Variants in MOK observed in about 807,000 individuals in gnomAD.
MOK encodes MAPK/MAK/MRK overlapping kinase.
MOK carries 59 observed loss-of-function variants against 54.2 expected under a neutral mutation model. That is an observed-to-expected ratio of 1.09 (90% CI 0.88 to 1.35). MOK has a LOEUF of 1.35. Ranked by LOEUF, MOK falls within the 40% of genes most tolerant of loss-of-function variation. The pLI, the probability that MOK is intolerant of heterozygous loss-of-function variation, is 0.00. For missense variants in MOK, 517 were observed against 526.2 expected (o/e 0.98, Z 0.17); for synonymous variants, 210 against 202.7 (o/e 1.04, Z -0.31).
chr14:102,275,713 C>A (rs879572546), intron 2 of MOK, among the ~76,000 whole-genome samples: 9 of 151,728 alleles, frequency 5.9e-5, no homozygotes, highest in Non-Finnish European at 1.0e-4. Flanking sequence ...ACAATAACCA[C>A]AAAAGAACTC....
At chr14:102,261,392 A>T (rs2067388679) in intron 4 of MOK, among the ~76,000 whole-genome samples, 1 of 53,664 alleles carries the variant, frequency 1.9e-5, no homozygotes, top group African/African-American at 9.4e-5. Context: ...TCTCAAAAAA[A>T]AAAAAAAAAA....
rs779785455 is a variant in MOK at position 102,263,603 on chromosome 14, C to A, written c.226G>T (p.Gly76Cys). ...LHEVVFDRKS[G>C]SLALICELMD... ...AGTTCACATATTAGTGCAAGAGAAC[C>A]AGATTTTCTGTCACTGAAGAAGAAA... is the stretch of plus-strand genomic sequence containing the variant. The change falls in exon 4 of 12, where the codon GGT (glycine) becomes TGT (cysteine). Residue 76 changes from glycine (G) to cysteine (C), a missense_variant. Physicochemically the swap from Gly to Cys is radical, Grantham distance 159 (BLOSUM62 -3). Transcript: ENST00000361847. 3 of 1,603,854 alleles carry A rather than the reference C, an allele frequency of 1.9e-6. No homozygotes were observed. Among genetic ancestry groups the A allele is most frequent in the Non-Finnish European group, 2.6e-6 (3 of 1,176,022 alleles).
intron 3 of MOK, among the ~76,000 whole-genome samples, chr14:102,264,848 C>T (rs1303369930): frequency 1.3e-5 from 2 of 152,202 alleles, no homozygotes; most frequent in East Asian, 1.9e-4. Flanking sequence ...GGAGCCACAG[C>T]GAAGCTTCTA....
chr14:102,258,971 C>G (rs546361619), intron 4 of MOK, among the ~76,000 whole-genome samples: 88 of 151,450 alleles, frequency 5.8e-4, no homozygotes, highest in African/African-American at 1.9e-3. Context: ...GAGGCTAAGG[C>G]AGGAGAATCG....
rs1042692763 is a variant in MOK, at chr14:102,232,053, C to T, written c.867-232G>A. On this transcript the variant is annotated intron_variant, in intron 9 of 11. Coordinates refer to ENST00000361847, the MANE Select transcript of MOK (RefSeq NM_014226.3). This position sits in a 1 kb window ranked among gnomAD's most constrained non-coding sequence, Gnocchi z 5.1. ...CAGAAGCGCTGCCTACCCAGGGACT[C>T]GCAGTTTCAGATCAAACTGTCACCT... 4.5e-6 allele frequency: 2 copies of T among 448,878 alleles called. No individual in the cohort carries two copies. The highest frequency in any genetic ancestry group is 6.0e-4 in the Middle Eastern group (1 of 1,654). 27.8% of individuals were successfully genotyped at this position (448,878 alleles called of 1,614,324 possible). A position where few individuals can be genotyped will look rare whatever the true frequency, so the allele number is the denominator to read the frequency against.
At chr14:102,229,419 G>T (rs758494850) in intron 11 of MOK, 38 bp downstream of exon 11, 6 of 1,613,868 alleles carry the variant, frequency 3.7e-6, no homozygotes, top group Admixed American at 3.3e-5. Flanking sequence ...GGGCTGGGTC[G>T]AAGAGCAGCG....
In MOK at chr14:102,245,472, AG is replaced by A. The variant is rs2153103277; in HGVS notation, c.590+5339del. On this transcript the variant is annotated intron_variant, in intron 7 of 11. Coordinates refer to ENST00000361847, the MANE Select transcript of MOK (RefSeq NM_014226.3). The surrounding 1 kb of genome is among the most constrained non-coding windows in gnomAD (Gnocchi z 4.3). ...CCTGAAGCAAGTGAAGAATCACAAA[AG>A]AAGTGAAAATGGCCGGTCCCTGCCT... Among the ~76,000 whole-genome samples, 1 of 152,258 alleles carries A rather than the reference AG, an allele frequency of 6.6e-6. No individual in the cohort carries two copies. Among genetic ancestry groups the A allele is most frequent in the South Asian group, 2.1e-4 (1 of 4,824 alleles).
rs2064816145 is a variant in MOK at position 102,232,453 on chromosome 14, C to A, written c.866+82G>T. ...CAAGAACCAGGGACCCTCCAGGGGG[C>A]AGTACCTTGCCCCACCATGTGCCCA... On this transcript the variant is annotated intron_variant, in intron 9 of 11. Transcript: ENST00000361847. The surrounding 1 kb of genome is among the most constrained non-coding windows in gnomAD (Gnocchi z 5.1). 2.0e-6 allele frequency: 3 copies of A among 1,484,826 alleles called. No homozygotes were observed. The highest frequency in any genetic ancestry group is 1.9e-5 in the Admixed American group (1 of 51,752). 92.0% of individuals were successfully genotyped at this position (1,484,826 alleles called of 1,614,324 possible). A position where few individuals can be genotyped will look rare whatever the true frequency, so the allele number is the denominator to read the frequency against.
intron 1 of MOK, among the ~76,000 whole-genome samples, chr14:102,299,639 G>A (rs1424464092): frequency 6.6e-6 from 1 of 152,122 alleles, no homozygotes; most frequent in Non-Finnish European, 1.5e-5. Flanking sequence ...AGGCTGGAGA[G>A]CAGTGGTGTG....
intron 1 of MOK, among the ~76,000 whole-genome samples, chr14:102,304,495 ACAGCC>A: frequency 6.6e-6 from 1 of 152,344 alleles, no homozygotes; most frequent in African/African-American, 2.4e-5. Context: ...AATAAAGCAC[ACAGCC>A]CAGCTTTCCT....
At position 102,305,109 on chromosome 14, in the gene MOK, G is replaced by A. The variant is rs978109427; in HGVS notation, c.-141C>T. 1.2e-5 allele frequency: 12 copies of A among 994,854 alleles called. No homozygotes were observed. The East Asian group carries it at 2.6e-4, about 22-fold the overall frequency. 61.6% of individuals were successfully genotyped at this position (994,854 alleles called of 1,614,324 possible). A position where few individuals can be genotyped will look rare whatever the true frequency, so the allele number is the denominator to read the frequency against. Reference sequence around the variant, plus strand: ...CCGTGGTGGTCCCTCGAAGGAGAGCGTTAGAGATCCCGCCGCCATGTTGTG... The same window carrying A: ...CCGTGGTGGTCCCTCGAAGGAGAGCATTAGAGATCCCGCCGCCATGTTGTG... On this transcript the variant is annotated 5_prime_UTR_variant, in exon 1 of 12. It adds an upstream start codon to the 5' untranslated region. Coordinates refer to ENST00000361847, the MANE Select transcript of MOK (RefSeq NM_014226.3).
rs991111107 is a variant in MOK, at chr14:102,305,088, G to C, written c.-120C>G. On this transcript the variant is annotated 5_prime_UTR_variant, in exon 1 of 12. Transcript: ENST00000361847. Reference sequence around the variant, plus strand: ...CGGGGTCCCGCACTAGGATCTCCGTGGTGGTCCCTCGAAGGAGAGCGTTAG... The same window carrying C: ...CGGGGTCCCGCACTAGGATCTCCGTCGTGGTCCCTCGAAGGAGAGCGTTAG... 1.6e-6 allele frequency: 2 copies of C among 1,213,060 alleles called. No individual in the cohort carries two copies. Among genetic ancestry groups the C allele is most frequent in the Non-Finnish European group, 2.4e-6 (2 of 838,910 alleles). 75.1% of individuals were successfully genotyped at this position (1,213,060 alleles called of 1,614,324 possible). A position where few individuals can be genotyped will look rare whatever the true frequency, so the allele number is the denominator to read the frequency against.
the MOK span, among the ~76,000 whole-genome samples, chr14:102,215,557 A>G: frequency 1.3e-5 from 2 of 152,202 alleles, no homozygotes; most frequent in Non-Finnish European, 2.9e-5. Context: ...GCGCCCATCA[A>G]CCCGTCATCT....
chr14:102,266,350 G>A (rs1947944974), intron 2 of MOK, among the ~76,000 whole-genome samples: 1 of 151,368 alleles, frequency 6.6e-6, no homozygotes, highest in Admixed American at 6.6e-5. Flanking sequence ...TGTCATCCAG[G>A]CTGGAGTGCA....
chr14:102,253,900 T>G (rs2066726550), intron 4 of MOK, among the ~76,000 whole-genome samples: 1 of 152,214 alleles, frequency 6.6e-6, no homozygotes, highest in African/African-American at 2.4e-5. Context: ...TTTTGAAAAA[T>G]TAAAATTATT....
intron 4 of MOK, among the ~76,000 whole-genome samples, chr14:102,260,176 CAA>C (rs770385409): frequency 9.2e-5 from 7 of 76,228 alleles, no homozygotes; most frequent in Admixed American, 2.8e-4. Flanking sequence ...AACTCCATCT[CAA>C]AAAAAAAAAA....
chr14:102,302,348 C>T (rs2072316567), intron 1 of MOK, among the ~76,000 whole-genome samples: 1 of 152,152 alleles, frequency 6.6e-6, no homozygotes, highest in African/African-American at 2.4e-5. Flanking sequence ...GCTGGGATTA[C>T]AGGCGTGAGC....
In MOK at chr14:102,272,406, G is replaced by A. The variant is rs536738130; in HGVS notation, c.123-6494C>T. On this transcript the variant is annotated intron_variant, in intron 2 of 11. Coordinates refer to ENST00000361847, the MANE Select transcript of MOK (RefSeq NM_014226.3). The stretch of plus-strand genomic sequence containing the variant: ...GGGAGCCTGAAGCAGAATTGCTTGA[G>A]GCGGAGGTTGCAGTGAGCCGAGATC... Among the ~76,000 whole-genome samples, 13 of 152,014 alleles carry A rather than the reference G, an allele frequency of 8.6e-5. 2 individuals carry two copies. In the East Asian group the frequency reaches 2.5e-3, roughly 30 times the overall value.
At position 102,301,881 on chromosome 14, in the gene MOK, C is replaced by T. The variant is rs79891589; in HGVS notation, c.7+3081G>A. 5.7e-3 allele frequency among the ~76,000 whole-genome samples: 863 copies of T among 152,080 alleles called. 19 individuals are homozygous for T. Among genetic ancestry groups the T allele is most frequent in the East Asian group, 0.035 (180 of 5,180 alleles). On this transcript the variant is annotated intron_variant, in intron 1 of 11. Transcript: ENST00000361847. ...TTACAAGAAGTAAATCATAAATGTA[C>T]ATTTTTTGTGTATTTTGTTTTGTTT... is the stretch of plus-strand genomic sequence containing the variant.
Sources: gnomAD v4.1 joint callset for allele counts (sites outside exome capture counted in the v4.1 genomes callset) on GRCh38, gnomAD v4.1.1 for gene constraint, Gnocchi (gnomAD v3.1) non-coding constraint, MANE v1.5 for transcripts, NCBI Gene and HGNC (gene_info 2026-07-23, HGNC 2026-07-21) for gene names.